The following SND1 variants were observed in gnomAD, a reference collection of about 807,000 sequenced individuals.
SND1 encodes staphylococcal nuclease and tudor domain containing 1.
In SND1, 38 loss-of-function variants were observed where a neutral mutation model predicts 121.7. The ratio of observed to expected loss-of-function variants is 0.31; its 90% CI spans 0.24 to 0.41. SND1 has a LOEUF of 0.41. Among genes scored for constraint, SND1 ranks in the 10% least tolerant of loss-of-function variants. The probability of loss-of-function intolerance (pLI) is 1.00; values close to 1 mark genes in which losing one functional copy is unlikely to be tolerated. For synonymous variants in SND1, 401 were observed against 447.4 expected, an observed-to-expected ratio of 0.90 and a Z score of 1.31; for missense variants, 868 against 1,184.6, an observed-to-expected ratio of 0.73 and a Z score of 3.92.
At chr7:127,753,867 C>T (rs895315379) in intron 10 of SND1, among the ~76,000 whole-genome samples, 1 of 152,186 alleles carries the variant, frequency 6.6e-6, no homozygotes, top group African/African-American at 2.4e-5. Flanking sequence ...GGTTACCTCT[C>T]TTTGTCAATA....
chr7:128,019,197 G>C (rs1443548011), intron 16 of SND1, among the ~76,000 whole-genome samples: 1 of 152,140 alleles, frequency 6.6e-6, no homozygotes, highest in Admixed American at 6.5e-5. Context: ...GCCCATGATG[G>C]GTAGTCCTTT....
chr7:127,945,351 C>T (rs1311930673), intron 15 of SND1, among the ~76,000 whole-genome samples: 1 of 152,116 alleles, frequency 6.6e-6, no homozygotes, highest in Non-Finnish European at 1.5e-5. Flanking sequence ...ATTAGCCAGA[C>T]ATGGTGGCGG....
chr7:127,929,340 T>A lies in SND1; in HGVS notation c.1669+11T>A, dbSNP rs752562804. The A allele has an allele frequency of 1.9e-6, 3 of 1,613,854 alleles. No homozygotes were observed. Among genetic ancestry groups the A allele is most frequent in the South Asian group, 1.1e-5 (1 of 91,068 alleles). On this transcript the variant is annotated intron_variant, in intron 15 of 23. Coordinates refer to ENST00000354725, the MANE Select transcript of SND1 (RefSeq NM_014390.4). ...CCTTCTTGCTTGCAGGTAAGTCTTA[T>A]GTGTTACATGTTACTCTGAGCTCAG...
intron 15 of SND1, among the ~76,000 whole-genome samples, chr7:127,987,689 A>G (rs1334883823): frequency 2.0e-5 from 3 of 152,140 alleles, no homozygotes; most frequent in African/African-American, 2.4e-5. Flanking sequence ...ACCTCAGTCA[A>G]TACCAGTGTT....
rs3757770 is a variant in SND1, at chr7:127,899,551, T to C, written c.1455-5196T>C. On this transcript the variant is annotated intron_variant, in intron 13 of 23. Transcript: ENST00000354725. ...TGGATTAGGAGTAATGTGGAAATCATGTGGATATGTAAACTGGGGCCACAT... is the reference window on the plus strand; with the variant it reads ...TGGATTAGGAGTAATGTGGAAATCACGTGGATATGTAAACTGGGGCCACAT... Among the ~76,000 whole-genome samples the C allele has an allele frequency of 5.7e-4, 87 of 152,278 alleles. 2 individuals are homozygous for C. The East Asian group carries it at 0.014, about 25-fold the overall frequency.
chr7:127,751,916 C>T (rs912524614), intron 10 of SND1, among the ~76,000 whole-genome samples: 3 of 152,220 alleles, frequency 2.0e-5, no homozygotes, highest in African/African-American at 4.8e-5. Context: ...TGACTGCTCG[C>T]GGGAGCATTA....
chr7:127,704,477 G>A (rs573942588), intron 7 of SND1, among the ~76,000 whole-genome samples: 7 of 152,330 alleles, frequency 4.6e-5, no homozygotes, highest in South Asian at 2.1e-4. Context: ...GATCTTAAGG[G>A]AGGGAAGAAT....
chr7:127,723,604 G>A (rs1374735590), intron 10 of SND1, among the ~76,000 whole-genome samples: 1 of 152,180 alleles, frequency 6.6e-6, no homozygotes, highest in Non-Finnish European at 1.5e-5. Context: ...TGTAGTGGTA[G>A]AAGGTACCCT....
rs1257463016 is a variant in SND1, at chr7:128,029,921, G to C, written c.1779+38865G>C. 7 of 1,613,200 alleles carry C rather than the reference G, an allele frequency of 4.3e-6. No individual in the cohort carries two copies. The highest frequency in any genetic ancestry group is 4.2e-6 in the Non-Finnish European group (5 of 1,180,020). On this transcript the variant is annotated intron_variant, in intron 16 of 23. Transcript: ENST00000354725. This position sits in a 1 kb window ranked among gnomAD's most constrained non-coding sequence, Gnocchi z 4.2. ...CCCAGAGCTTCTTGAGGGAGCTCAG[G>C]CCATGGAAGGAGCCAGGCCTGATCT...
chr7:127,751,217 GCCTA>G (rs1797087024), intron 10 of SND1, among the ~76,000 whole-genome samples: 1 of 152,076 alleles, frequency 6.6e-6, no homozygotes, highest in African/African-American at 2.4e-5. Context: ...TGGTGTAAAA[GCCTA>G]GCTAGACTGC....
At chr7:127,831,371 C>T (rs1798735349) in intron 11 of SND1, among the ~76,000 whole-genome samples, 1 of 152,240 alleles carries the variant, frequency 6.6e-6, no homozygotes, top group African/African-American at 2.4e-5. Context: ...GTATAACAAA[C>T]ATCAACCAGT....
intron 10 of SND1, among the ~76,000 whole-genome samples, chr7:127,784,145 T>C (rs1797771881): frequency 6.6e-6 from 1 of 152,232 alleles, no homozygotes; most frequent in African/African-American, 2.4e-5. Flanking sequence ...CCCCTACCAT[T>C]GAAGCCTTTA....
chr7:127,949,976 A>G (rs1226792489), intron 15 of SND1, among the ~76,000 whole-genome samples: 2 of 152,182 alleles, frequency 1.3e-5, no homozygotes, highest in Admixed American at 1.3e-4. Flanking sequence ...AGAAAACTGG[A>G]ATGCTGGGAC....
chr7:128,014,253 G>C (rs1329239404), intron 16 of SND1, among the ~76,000 whole-genome samples: 1 of 152,198 alleles, frequency 6.6e-6, no homozygotes, highest in Non-Finnish European at 1.5e-5. Flanking sequence ...TGATCAGTAA[G>C]TCTTCTTGCC....
intron 15 of SND1, among the ~76,000 whole-genome samples, chr7:127,975,571 G>A (rs1221967183): frequency 6.6e-6 from 1 of 152,134 alleles, no homozygotes; most frequent in Non-Finnish European, 1.5e-5. Context: ...GCCTGACAGA[G>A]AGCAGGATTA....
chr7:127,739,250 C>T (rs982510839), intron 10 of SND1, among the ~76,000 whole-genome samples: 1 of 152,196 alleles, frequency 6.6e-6, no homozygotes, highest in Non-Finnish European at 1.5e-5. Flanking sequence ...TGTAGACTTC[C>T]TGTCACACTT....
intron 14 of SND1, among the ~76,000 whole-genome samples, chr7:127,908,357 T>TGTGTGTGTGTGC (rs1356003756): frequency 7.0e-6 from 1 of 142,266 alleles, no homozygotes; most frequent in Non-Finnish European, 1.5e-5. Context: ...TGTGTGTGTG[T>TGTGTGTGTGTGC]GTGCGTGCGT....
intron 16 of SND1, among the ~76,000 whole-genome samples, chr7:128,069,096 G>T (rs558387962): frequency 4.7e-4 from 71 of 152,312 alleles, no homozygotes; most frequent in African/African-American, 1.6e-3. Flanking sequence ...AGGTGGTACA[G>T]GGACAGTCAC....
At chr7:127,743,935 AC>A (rs1251863348) in intron 10 of SND1, among the ~76,000 whole-genome samples, 1 of 152,174 alleles carries the variant, frequency 6.6e-6, no homozygotes, top group East Asian at 1.9e-4. Context: ...TATTTTATCG[AC>A]GGGCATGTAA....
Sources: gnomAD v4.1 joint callset for allele counts (sites outside exome capture counted in the v4.1 genomes callset) on GRCh38, gnomAD v4.1.1 for gene constraint, Gnocchi (gnomAD v3.1) non-coding constraint, MANE v1.5 for transcripts, NCBI Gene and HGNC (gene_info 2026-07-23, HGNC 2026-07-21) for gene names.